The following ST3GAL6 variants were observed in gnomAD, a reference collection of about 807,000 sequenced individuals.
ST3GAL6 encodes ST3 beta-galactoside alpha-2,3-sialyltransferase 6, also known as type 2 lactosamine alpha-2,3-sialyltransferase.
Under a neutral mutation model 40.5 loss-of-function variants are expected in ST3GAL6, and 31 were observed. The observed-to-expected ratio is 0.77, with a 90% CI of 0.58 to 1.03. The LOEUF is 1.03. Ranked by LOEUF, ST3GAL6 falls within the 50% of genes least tolerant of loss-of-function variation. The pLI is 0.00. For synonymous variants in ST3GAL6, 129 were observed against 136.9 expected (o/e 0.94, Z 0.40); for missense variants, 357 against 393.2 (o/e 0.91, Z 0.78).
intron 1 of ST3GAL6, chr3:98,733,320 C>T (rs1394568970): frequency 2.6e-6 from 3 of 1,154,270 alleles, no homozygotes; most frequent in African/African-American, 3.2e-5. Flanking sequence ...CGCGGGTAAG[C>T]CCAGGAGCCG....
intron 1 of ST3GAL6, among the ~76,000 whole-genome samples, chr3:98,766,405 CTTTTTTTTTTTTTTTTT>C (rs369996406): frequency 0.52 from 55,579 of 106,386 alleles, 12,003 homozygotes; most frequent in South Asian, 0.65. Flanking sequence ...AAATGTCATT[CTTTTTTTTTTTTTTTTT>C]TTTTTTTTTT....
intron 1 of ST3GAL6, among the ~76,000 whole-genome samples, chr3:98,742,579 A>C (rs1936183436): frequency 6.6e-6 from 1 of 152,226 alleles, no homozygotes; most frequent in South Asian, 2.1e-4. Context: ...TGAGGGGTCC[A>C]TGCTTACCAA....
intron 5 of ST3GAL6, among the ~76,000 whole-genome samples, chr3:98,779,446 A>G (rs968076868): frequency 2.6e-5 from 4 of 152,212 alleles, no homozygotes; most frequent in Admixed American, 6.5e-5. Flanking sequence ...ATAGATTGTT[A>G]CACTGAAGGT....
At chr3:98,752,972 C>A (rs576945403) in intron 1 of ST3GAL6, among the ~76,000 whole-genome samples, 1 of 152,266 alleles carries the variant, frequency 6.6e-6, no homozygotes, top group East Asian at 1.9e-4. Flanking sequence ...ATTAATAATC[C>A]TCCAATAGCC....
At chr3:98,761,795 AG>A (rs1338133392), upstream of ST3GAL6, among the ~76,000 whole-genome samples, 1 of 152,234 alleles carries the variant, frequency 6.6e-6, no homozygotes, top group African/African-American at 2.4e-5. Context: ...GTTCCCTAAA[AG>A]CTTACTTGTG....
At position 98,785,593 on chromosome 3, in the gene ST3GAL6, G is replaced by A. The variant is rs1940627506; in HGVS notation, c.431+553G>A. Among the ~76,000 whole-genome samples the A allele has an allele frequency of 2.6e-5, 4 of 152,308 alleles. No individual in the cohort carries two copies. The South Asian group carries it at 8.3e-4, about 32-fold the overall frequency. On this transcript the variant is annotated intron_variant, in intron 6 of 9. Coordinates refer to ENST00000483910, the MANE Select transcript of ST3GAL6 (RefSeq NM_001323368.2). ...ACCCAGTGAAGCTGGAAAGTAGCAG[G>A]CAGGGGGAGAGTGGTGGAATTGGAA...
intron 1 of ST3GAL6, among the ~76,000 whole-genome samples, chr3:98,767,844 A>C (rs1320144238): frequency 1.3e-5 from 2 of 152,230 alleles, no homozygotes; most frequent in African/African-American, 2.4e-5. Context: ...AATATACCTG[A>C]ACTGTGATGT....
At chr3:98,735,651 CA>C (rs1265913959) in intron 1 of ST3GAL6, among the ~76,000 whole-genome samples, 2 of 152,326 alleles carry the variant, frequency 1.3e-5, no homozygotes, top group East Asian at 3.9e-4. Flanking sequence ...CCCACCCTCA[CA>C]GTTGAAATGA....
chr3:98,784,896 A>G, intron 5 of ST3GAL6, 49 bp from the exon 6 acceptor site: 1 of 1,439,300 alleles, frequency 6.9e-7, no homozygotes, highest in Admixed American at 1.8e-5. Flanking sequence ...TCTTGGAATC[A>G]GTTTTGTAAA....
At chr3:98,776,343 T>G (rs1939545421) in intron 5 of ST3GAL6, among the ~76,000 whole-genome samples, 2 of 152,214 alleles carry the variant, frequency 1.3e-5, no homozygotes, top group Non-Finnish European at 2.9e-5. Context: ...AGTGACCTTA[T>G]GTAGTTCTCA....
chr3:98,732,950 G>A, intron 1 of ST3GAL6: 2 of 1,508,030 alleles, frequency 1.3e-6, no homozygotes, highest in South Asian at 1.2e-5. Flanking sequence ...TGCGGTCGTC[G>A]CTCCTGGGCC....
intron 5 of ST3GAL6, among the ~76,000 whole-genome samples, chr3:98,775,421 A>G (rs1417166872): frequency 1.3e-5 from 2 of 150,120 alleles, no homozygotes; most frequent in Non-Finnish European, 3.0e-5. Flanking sequence ...GGTTGCAGTG[A>G]GCCGAGATCC....
At chr3:98,753,933 C>T (rs2107352969) in intron 1 of ST3GAL6, among the ~76,000 whole-genome samples, 1 of 152,356 alleles carries the variant, frequency 6.6e-6, no homozygotes, top group East Asian at 1.9e-4. Context: ...TATTGCTCTA[C>T]AGTGCACCTA....
At chr3:98,762,995 G>A (rs1364407438), upstream of ST3GAL6, 6 of 985,256 alleles carry the variant, frequency 6.1e-6, no homozygotes, top group Non-Finnish European at 7.2e-6. Context: ...TCACGCATTT[G>A]GACTACCTAA....
intron 5 of ST3GAL6, among the ~76,000 whole-genome samples, chr3:98,784,206 G>C (rs1261537981): frequency 6.6e-6 from 1 of 152,196 alleles, no homozygotes; most frequent in African/African-American, 2.4e-5. Context: ...AGTCTATTTT[G>C]TCATTTCTCC....
At chr3:98,736,094 A>T (rs926168086) in intron 1 of ST3GAL6, among the ~76,000 whole-genome samples, 1 of 152,184 alleles carries the variant, frequency 6.6e-6, no homozygotes, top group Non-Finnish European at 1.5e-5. Flanking sequence ...GCTTTTGGTC[A>T]TCTAGGAGGA....
intron 2 of ST3GAL6, among the ~76,000 whole-genome samples, chr3:98,769,478 C>T (rs1938733051): frequency 6.6e-6 from 1 of 152,194 alleles, no homozygotes; most frequent in African/African-American, 2.4e-5. Flanking sequence ...TTGCCACATT[C>T]TCTGTCCTAC....
At chr3:98,736,748 G>C (rs1262286066) in intron 1 of ST3GAL6, among the ~76,000 whole-genome samples, 1 of 152,180 alleles carries the variant, frequency 6.6e-6, no homozygotes, top group Non-Finnish European at 1.5e-5. Flanking sequence ...CAAAGCCCCT[G>C]CTCTTACAGA....
intron 1 of ST3GAL6, among the ~76,000 whole-genome samples, chr3:98,734,989 T>C (rs974710683): frequency 6.6e-6 from 1 of 152,206 alleles, no homozygotes; most frequent in African/African-American, 2.4e-5. Flanking sequence ...GAAATTGTGC[T>C]TCCATCCAGG....
Sources: allele counts gnomAD v4.1 joint callset (sites outside exome capture counted in the v4.1 genomes callset), GRCh38; gene constraint gnomAD v4.1.1; transcripts MANE v1.5; gene names NCBI Gene and HGNC (gene_info 2026-07-23, HGNC 2026-07-21).